Variants in TMEM200A observed in about 807,000 individuals in gnomAD.
TMEM200A encodes the protein two transmembrane C.
In TMEM200A, 12 loss-of-function variants were observed where a neutral mutation model predicts 24.3. The observed-to-expected ratio is 0.49, with a 90% CI of 0.32 to 0.80. The LOEUF is 0.80. Among genes scored for constraint, TMEM200A ranks in the 30% least tolerant of loss-of-function variants. The pLI, the probability that TMEM200A is intolerant of heterozygous loss-of-function variation, is 0.04. For missense variants in TMEM200A, 545 were observed against 614.4 expected (o/e 0.89, Z 1.19); for synonymous variants, 224 against 224.4 (o/e 1.00, Z 0.02).
chr6:130,382,960 C>T (rs1778635314), intron 1 of TMEM200A: 1 of 937,484 alleles, frequency 1.1e-6, no homozygotes, highest in Non-Finnish European at 1.3e-6. Flanking sequence ...CCTGCTTTGC[C>T]TCCCTAGTGA....
At chr6:130,439,843 G>C (rs1039725079) in intron 2 of TMEM200A, among the ~76,000 whole-genome samples, 4 of 151,846 alleles carry the variant, frequency 2.6e-5, no homozygotes, top group African/African-American at 9.7e-5. Flanking sequence ...AAATTGAGGG[G>C]GAAATTAAAT....
chr6:130,437,624 ATG>A (rs1450546421), intron 2 of TMEM200A: 3 of 152,178 alleles, frequency 2.0e-5, no homozygotes, highest in Non-Finnish European at 2.9e-5. Context: ...GCTGAAGAAA[ATG>A]TGATTCCTCC....
intron 1 of TMEM200A, among the ~76,000 whole-genome samples, chr6:130,384,028 G>A (rs371162430): frequency 6.6e-6 from 1 of 152,130 alleles, no homozygotes; most frequent in Non-Finnish European, 1.5e-5. Flanking sequence ...GCTGAGGCAC[G>A]AGAATCGCCT....
intron 2 of TMEM200A, among the ~76,000 whole-genome samples, chr6:130,404,251 A>G (rs1779155767): frequency 6.6e-6 from 1 of 152,204 alleles, no homozygotes; most frequent in Non-Finnish European, 1.5e-5. Flanking sequence ...AAGAATTGCC[A>G]CACTGTCTTC....
intron 2 of TMEM200A, among the ~76,000 whole-genome samples, chr6:130,413,875 A>G (rs73626742): frequency 0.014 from 2,076 of 152,174 alleles, 38 homozygotes; most frequent in African/African-American, 0.047. Flanking sequence ...AGAGCTTTTG[A>G]ACGTTATGTG....
At chr6:130,435,130 G>T in intron 2 of TMEM200A, among the ~76,000 whole-genome samples, 1 of 151,632 alleles carries the variant, frequency 6.6e-6, no homozygotes, top group East Asian at 1.9e-4. Flanking sequence ...TTGTCTGCAG[G>T]TATATACATA....
At chr6:130,410,743 G>A (rs1779311261) in intron 2 of TMEM200A, among the ~76,000 whole-genome samples, 1 of 152,212 alleles carries the variant, frequency 6.6e-6, no homozygotes, top group Non-Finnish European at 1.5e-5. Flanking sequence ...ATTCTGATAA[G>A]ATTGGATTTA....
At chr6:130,398,962 G>T (rs186867151) in intron 2 of TMEM200A, among the ~76,000 whole-genome samples, 169 of 151,802 alleles carry the variant, frequency 1.1e-3, no homozygotes, top group Non-Finnish European at 1.9e-3. Flanking sequence ...TTTCATAGTA[G>T]TTATTTCATT....
intron 2 of TMEM200A, among the ~76,000 whole-genome samples, chr6:130,396,321 C>T (rs1359687649): frequency 1.4e-5 from 2 of 147,916 alleles, no homozygotes; most frequent in Non-Finnish European, 3.0e-5. Flanking sequence ...TTATTGGAGC[C>T]TCAAAAAATG....
chr6:130,395,519 G>T (rs941833564), intron 2 of TMEM200A, among the ~76,000 whole-genome samples: 6 of 152,194 alleles, frequency 3.9e-5, no homozygotes, highest in Admixed American at 6.5e-5. Flanking sequence ...TTGAGGTAAA[G>T]TAGCCCTGAA....
chr6:130,388,724 T>C (rs538076744), intron 2 of TMEM200A, among the ~76,000 whole-genome samples: 2 of 152,312 alleles, frequency 1.3e-5, no homozygotes, highest in East Asian at 3.9e-4. Context: ...CATTACTCAA[T>C]TGTAAATACT....
At chr6:130,405,791 C>T (rs1042520214) in intron 2 of TMEM200A, among the ~76,000 whole-genome samples, 2 of 152,172 alleles carry the variant, frequency 1.3e-5, no homozygotes, top group Non-Finnish European at 2.9e-5. Flanking sequence ...CCCCAGGCTT[C>T]CTGACCCACT....
At chr6:130,416,353 G>T (rs1290616406) in intron 2 of TMEM200A, among the ~76,000 whole-genome samples, 1 of 152,054 alleles carries the variant, frequency 6.6e-6, no homozygotes, top group Non-Finnish European at 1.5e-5. Context: ...GTGTGTGTGT[G>T]TCTATACATA....
intron 2 of TMEM200A, among the ~76,000 whole-genome samples, chr6:130,432,297 G>A (rs767399589): frequency 6.6e-6 from 1 of 152,182 alleles, no homozygotes; most frequent in Non-Finnish European, 1.5e-5. Context: ...TCAGATGAAC[G>A]GGTTTAGGTT....
At position 130,440,794 on chromosome 6, in the gene TMEM200A, G is replaced by C. The variant is rs781505096; in HGVS notation, c.372G>C (p.Lys124Asn). The C allele has an allele frequency of 1.9e-6, 3 of 1,613,750 alleles. No individual in the cohort carries two copies. In the African/African-American group the frequency reaches 4.0e-5, roughly 22 times the overall value. Reference sequence around the variant, plus strand: ...TTGAGCAGCATTTGCATTCTGATAAGATGAAAATGCTTGGCCCATTCACCA... The same window carrying C: ...TTGAGCAGCATTTGCATTCTGATAACATGAAAATGCTTGGCCCATTCACCA... ...RFFEQHLHSD[K>N]MKMLGPFTMG... Residue 124 changes from lysine to asparagine, a missense_variant, in exon 3 of 3, where the codon AAG (lysine) becomes AAC (asparagine). Lys to Asn is a moderately conservative substitution (Grantham distance 94). Coordinates refer to ENST00000296978, the MANE Select transcript of TMEM200A (RefSeq NM_001258277.2).
intron 2 of TMEM200A, among the ~76,000 whole-genome samples, chr6:130,414,510 G>A (rs1336204201): frequency 6.6e-6 from 1 of 151,526 alleles, no homozygotes; most frequent in East Asian, 1.9e-4. Flanking sequence ...GGAAGAAGAG[G>A]GAACCTAAAG....
intron 2 of TMEM200A, among the ~76,000 whole-genome samples, chr6:130,432,328 T>G (rs1001167782): frequency 2.0e-5 from 3 of 152,236 alleles, no homozygotes; most frequent in African/African-American, 7.2e-5. Context: ...GTTTTTCTTA[T>G]TGCTTTTATG....
intron 1 of TMEM200A, among the ~76,000 whole-genome samples, chr6:130,376,154 G>A (rs893844947): frequency 2.0e-5 from 3 of 151,998 alleles, no homozygotes; most frequent in Non-Finnish European, 2.9e-5. Flanking sequence ...GATAAATGTT[G>A]CGGAATTAAC....
At chr6:130,394,332 T>A (rs1263888642) in intron 2 of TMEM200A, among the ~76,000 whole-genome samples, 2 of 152,178 alleles carry the variant, frequency 1.3e-5, no homozygotes, top group African/African-American at 4.8e-5. Context: ...CATATTGAAA[T>A]TCCCTTTCGC....
Sources: allele counts gnomAD v4.1 joint callset (sites outside exome capture counted in the v4.1 genomes callset), GRCh38; gene constraint gnomAD v4.1.1; transcripts MANE v1.5; gene names NCBI Gene and HGNC (gene_info 2026-07-23, HGNC 2026-07-21).